Variants in PDE4D observed in about 807,000 individuals in gnomAD.
PDE4D encodes the protein 3',5'-cyclic-AMP phosphodiesterase 4D.
Under a neutral mutation model 87.4 loss-of-function variants are expected in PDE4D, and 24 were observed. The observed-to-expected ratio is 0.27, with a 90% CI of 0.20 to 0.39. The LOEUF (loss-of-function observed/expected upper bound fraction) is 0.39. Ranked by LOEUF, PDE4D falls within the 10% of genes least tolerant of loss-of-function variation. PDE4D has a pLI of 1.00. For missense variants in PDE4D, 714 were observed against 1,041.0 expected, an observed-to-expected ratio of 0.69 and a Z score of 4.32; for synonymous variants, 384 against 383.2, an observed-to-expected ratio of 1.00 and a Z score of -0.02.
intron 1 of PDE4D, among the ~76,000 whole-genome samples, chr5:59,521,893 G>A (rs1461221290): frequency 2.0e-5 from 3 of 152,122 alleles, no homozygotes; most frequent in African/African-American, 4.8e-5. Flanking sequence ...TTTGTTAACC[G>A]TTGAAGGTTG....
chr5:59,762,358 G>A (rs1272550997), intron 1 of PDE4D, among the ~76,000 whole-genome samples: 1 of 111,360 alleles, frequency 9.0e-6, no homozygotes, highest in Non-Finnish European at 1.9e-5. Context: ...GCATATATGT[G>A]TATATGGGTA....
At chr5:60,374,203 G>A (rs933612833) in intron 1 of PDE4D, among the ~76,000 whole-genome samples, 1 of 152,104 alleles carries the variant, frequency 6.6e-6, no homozygotes, top group Non-Finnish European at 1.5e-5. Flanking sequence ...TGACAACTGA[G>A]TGTTGGCATC....
chr5:58,978,902 G>A (rs550159077), intron 11 of PDE4D, among the ~76,000 whole-genome samples: 9 of 152,164 alleles, frequency 5.9e-5, no homozygotes, highest in Admixed American at 3.3e-4. Context: ...TAGGTTCTTA[G>A]CACATATTAT....
chr5:59,215,953 A>G lies in PDE4D; in HGVS notation c.471T>C (p.Asn157=). The change falls in exon 2 of 15, where the codon AAT becomes AAC. Residue 157 remains asparagine, a synonymous_variant. Coordinates refer to ENST00000340635, the MANE Select transcript of PDE4D (RefSeq NM_001104631.2). ...FQGLRRFDVD[N]GTSAGRSPLD... Reference sequence around the variant, plus strand: ...AGGGACTCCGTCCCGCAGATGTGCCATTGTCCACATCAAAACTGTAAAGGA... The same window carrying G: ...AGGGACTCCGTCCCGCAGATGTGCCGTTGTCCACATCAAAACTGTAAAGGA... The G allele has an allele frequency of 6.2e-7, 1 of 1,610,860 alleles. No homozygotes were observed. Among genetic ancestry groups the G allele is most frequent in the Non-Finnish European group, 8.5e-7 (1 of 1,177,606 alleles).
chr5:60,511,931 G>A (rs1750594775), intron 1 of PDE4D, among the ~76,000 whole-genome samples: 1 of 152,124 alleles, frequency 6.6e-6, no homozygotes, highest in Non-Finnish European at 1.5e-5. Flanking sequence ...TTTTTTAGGT[G>A]AAAATATAAG....
chr5:59,535,787 T>C (rs1329327645), intron 1 of PDE4D, among the ~76,000 whole-genome samples: 1 of 152,168 alleles, frequency 6.6e-6, no homozygotes, highest in African/African-American at 2.4e-5. Flanking sequence ...TCAGAGGAGC[T>C]ATAAAGGCAA....
intron 1 of PDE4D, among the ~76,000 whole-genome samples, chr5:59,432,328 T>C (rs1424818795): frequency 6.6e-6 from 1 of 152,074 alleles, no homozygotes; most frequent in African/African-American, 2.4e-5. Context: ...AGTGAGTTCT[T>C]TTCAATAGTT....
chr5:59,580,382 G>A (rs1005319169), intron 1 of PDE4D, among the ~76,000 whole-genome samples: 1 of 152,224 alleles, frequency 6.6e-6, no homozygotes, highest in Non-Finnish European at 1.5e-5. Context: ...ATGCAGAGGA[G>A]TGCTCAACAG....
At chr5:60,303,914 T>G (rs1452248024) in intron 1 of PDE4D, 1 of 152,234 alleles carries the variant, frequency 6.6e-6, no homozygotes, top group Non-Finnish European at 1.5e-5. Context: ...TCTACTATTA[T>G]TGTGTGGGAG....
At chr5:59,251,509 T>C (rs553380870) in intron 1 of PDE4D, among the ~76,000 whole-genome samples, 1 of 152,224 alleles carries the variant, frequency 6.6e-6, no homozygotes, top group South Asian at 2.1e-4. Context: ...TGGCTATTAT[T>C]AAAAAGACAA....
intron 2 of PDE4D, among the ~76,000 whole-genome samples, chr5:60,182,897 A>G (rs1351194387): frequency 6.6e-6 from 1 of 151,916 alleles, no homozygotes; most frequent in Non-Finnish European, 1.5e-5. Flanking sequence ...AAAAAAAAAA[A>G]GAATATCAAA....
intron 1 of PDE4D, among the ~76,000 whole-genome samples, chr5:59,406,412 A>T: frequency 2.1e-5 from 1 of 48,130 alleles, no homozygotes; most frequent in African/African-American, 6.4e-5. Flanking sequence ...CCCCCCCCCC[A>T]TAGAGTCTTG....
intron 1 of PDE4D, among the ~76,000 whole-genome samples, chr5:59,450,756 C>T (rs1441842636): frequency 6.6e-6 from 1 of 152,170 alleles, no homozygotes; most frequent in East Asian, 1.9e-4. Flanking sequence ...CACATCTACT[C>T]CCACAGTCAT....
At chr5:59,173,520 A>C (rs1783347693) in intron 5 of PDE4D, among the ~76,000 whole-genome samples, 1 of 152,134 alleles carries the variant, frequency 6.6e-6, no homozygotes, top group African/African-American at 2.4e-5. Context: ...GTAAAAGTAA[A>C]CTCCTTCAGC....
In PDE4D at chr5:59,769,076, C is replaced by CT. The variant is rs34305501; in HGVS notation, c.455+124091dup. The stretch of plus-strand genomic sequence containing the variant: ...ATGCCAATCCTTTGTTTTTTTCTCT[C>CT]TTTTTTTTTTAATAAGGGAAGAATA... On this transcript the variant is annotated intron_variant, in intron 1 of 14. Transcript: ENST00000340635. Among the ~76,000 whole-genome samples the CT allele has an allele frequency of 2.8e-3, 414 of 149,272 alleles. 2 individuals are homozygous for CT. Among genetic ancestry groups the CT allele is most frequent in the Admixed American group, 4.6e-3 (69 of 14,968 alleles).
chr5:58,990,051 A>G (rs1455724217), intron 9 of PDE4D, 132 bp from the exon 10 acceptor site: 4 of 594,548 alleles, frequency 6.7e-6, no homozygotes, highest in Non-Finnish European at 1.2e-5. Context: ...GCACTCTCAC[A>G]TGTCTAGTGA....
chr5:60,229,485 A>G (rs1395104682), intron 1 of PDE4D, among the ~76,000 whole-genome samples: 1 of 152,200 alleles, frequency 6.6e-6, no homozygotes, highest in African/African-American at 2.4e-5. Context: ...GCTAAAGAAT[A>G]AAAGAAAAAT....
chr5:59,046,432 G>A (rs560311453), intron 5 of PDE4D, among the ~76,000 whole-genome samples: 2 of 151,844 alleles, frequency 1.3e-5, no homozygotes, highest in South Asian at 2.1e-4. Flanking sequence ...GTGTGTGTGT[G>A]TGTGTGTGTG....
At chr5:60,302,687 G>A (rs1754016834) in intron 1 of PDE4D, among the ~76,000 whole-genome samples, 12 of 152,006 alleles carry the variant, frequency 7.9e-5, no homozygotes, top group Admixed American at 7.9e-4. Context: ...ACTGATCTTG[G>A]TTATTCTTGT....
Sources: allele counts gnomAD v4.1 joint callset (sites outside exome capture counted in the v4.1 genomes callset), GRCh38; gene constraint gnomAD v4.1.1; transcripts MANE v1.5; gene names NCBI Gene and HGNC (gene_info 2026-07-23, HGNC 2026-07-21).